The following CENPF variants were observed in gnomAD, a reference collection of about 807,000 sequenced individuals.
CENPF encodes the protein AH antigen.
Under a neutral mutation model 307.3 loss-of-function variants are expected in CENPF, and 214 were observed. The ratio of observed to expected loss-of-function variants is 0.70; its 90% CI spans 0.62 to 0.78. The LOEUF (loss-of-function observed/expected upper bound fraction) is 0.78. CENPF is among the 30% of genes least tolerant of loss of function. CENPF has a pLI of 0.00. For synonymous variants in CENPF, 1,259 were observed against 1,270.6 expected, an observed-to-expected ratio of 0.99 and a Z score of 0.19; for missense variants, 3,401 against 3,483.9, an observed-to-expected ratio of 0.98 and a Z score of 0.60.
At position 214,658,972 on chromosome 1, in the gene CENPF, A is replaced by G. The variant is rs1165653836; in HGVS notation, c.9085A>G (p.Lys3029Glu). ...AGCGCTATCCCCACTGAGTCTCGGC[A>G]AAGAAAATCTTGCAGAGTCCTCCAA... is the stretch of plus-strand genomic sequence containing the variant. ...KLALSPLSLGKENLAESSKPT... is the reference protein window; with the variant it reads ...KLALSPLSLGEENLAESSKPT... The change falls in exon 19 of 20, where the codon AAA (lysine) becomes GAA (glutamate). Residue 3029 changes from lysine to glutamate, a missense_variant. By Grantham distance (56) the Lys-to-Glu change is moderately conservative. Transcript: ENST00000366955. 1.9e-6 allele frequency: 3 copies of G among 1,614,036 alleles called. No individual in the cohort carries two copies. Among genetic ancestry groups the G allele is most frequent in the Non-Finnish European group, 2.5e-6 (3 of 1,180,018 alleles).
At chr1:214,653,013 A>G (rs752420067) in intron 16 of CENPF, 24 bp downstream of exon 16, 4 of 1,572,894 alleles carry the variant, frequency 2.5e-6, no homozygotes, top group Non-Finnish European at 3.5e-6. Flanking sequence ...AATTTGCTTC[A>G]TGATTTCGAA....
At chr1:214,615,537 G>C (rs987876266) in intron 3 of CENPF, among the ~76,000 whole-genome samples, 1 of 152,118 alleles carries the variant, frequency 6.6e-6, no homozygotes, top group Non-Finnish European at 1.5e-5. Flanking sequence ...AGAATGAGAG[G>C]GAGAACTAGG....
chr1:214,639,166 A>C (rs1658040041), intron 11 of CENPF, among the ~76,000 whole-genome samples: 1 of 152,244 alleles, frequency 6.6e-6, no homozygotes, highest in South Asian at 2.1e-4. Flanking sequence ...ATACTTGAGC[A>C]ACATGAAGCC....
At position 214,656,638 on chromosome 1, in the gene CENPF, T is replaced by C. The variant is rs539280815; in HGVS notation, c.8486-295T>C. ...AAAAATGAATTTATTTGATTGGATA[T>C]AACTGACGCTGCAAGAACGTTTAAT... On this transcript the variant is annotated intron_variant, in intron 17 of 19. Coordinates refer to ENST00000366955, the MANE Select transcript of CENPF (RefSeq NM_016343.4). Among the ~76,000 whole-genome samples the C allele has an allele frequency of 2.6e-5, 4 of 152,308 alleles. No homozygotes were observed. The East Asian group carries it at 7.7e-4, about 29-fold the overall frequency.
At chr1:214,623,507 A>T (rs1165531173) in intron 7 of CENPF, among the ~76,000 whole-genome samples, 1 of 152,116 alleles carries the variant, frequency 6.6e-6, no homozygotes, top group Non-Finnish European at 1.5e-5. Context: ...GAATCTTCTT[A>T]AGACTCCAAC....
intron 18 of CENPF, among the ~76,000 whole-genome samples, 190 bp from the exon 19 acceptor site, chr1:214,658,660 T>C (rs1398868988): frequency 1.3e-5 from 2 of 152,166 alleles, no homozygotes; most frequent in East Asian, 3.8e-4. Flanking sequence ...GAGAAAAACC[T>C]GTTAAGTTAT....
At chr1:214,622,872 C>T (rs1014569872) in intron 7 of CENPF, among the ~76,000 whole-genome samples, 6 of 145,318 alleles carry the variant, frequency 4.1e-5, no homozygotes, top group African/African-American at 1.4e-4. Flanking sequence ...CCCATGAGTT[C>T]TGCATTCATG....
Position 214,643,121 on chromosome 1 carries a change from C to A in CENPF, c.4783C>A (p.Leu1595Ile). The part of the protein sequence containing the change: ...EQLLSSERQE[L>I]DCLRKQYLSE... ...GTTATTAAGTTCTGAAAGGCAAGAG[C>A]TTGACTGCCTTAGGAAGCAGTATTT... The change falls in exon 12 of 20, where the codon CTT becomes ATT. Residue 1595 changes from leucine (L) to isoleucine (I), a missense_variant. Coordinates refer to ENST00000366955, the MANE Select transcript of CENPF (RefSeq NM_016343.4). 6.2e-7 allele frequency: 1 copy of A among 1,601,400 alleles called. No homozygotes were observed. Among genetic ancestry groups the A allele is most frequent in the South Asian group, 1.1e-5 (1 of 89,222 alleles).
rs776175690 is a variant in CENPF, at chr1:214,640,129, C to T, written c.1791C>T (p.Ala597=). 15 of 1,585,930 alleles carry T rather than the reference C, an allele frequency of 9.5e-6. No individual in the cohort carries two copies. The highest frequency in any genetic ancestry group is 1.2e-5 in the Non-Finnish European group (14 of 1,172,536). ...KLSKTEKESK[A]LLSALELKKK... Reference sequence around the variant, plus strand: ...GCAAGACAGAGAAAGAGTCCAAAGCCTTGCTGAGTGCTTTAGAGTTAAAAA... The same window carrying T: ...GCAAGACAGAGAAAGAGTCCAAAGCTTTGCTGAGTGCTTTAGAGTTAAAAA... The change falls in exon 12 of 20, where the codon GCC becomes GCT. Residue 597 remains alanine (A), a synonymous_variant. Transcript: ENST00000366955.
chr1:214,626,075 C>T (rs1359877290), intron 7 of CENPF, among the ~76,000 whole-genome samples: 1 of 152,054 alleles, frequency 6.6e-6, no homozygotes, highest in African/African-American at 2.4e-5. Context: ...GATTTCCTTC[C>T]AGTTTCCTTT....
rs752025444 is a variant in CENPF at position 214,639,994 on chromosome 1, T to G, written c.1656T>G (p.Thr552=). 3 of 1,589,342 alleles carry G rather than the reference T, an allele frequency of 1.9e-6. No individual in the cohort carries two copies. In the South Asian group the frequency reaches 3.5e-5, roughly 19 times the overall value. The change falls in exon 12 of 20, where the codon ACT becomes ACG. Residue 552 remains threonine, a synonymous_variant. Transcript: ENST00000366955. ...EKINQQENSL[T]LEKLKLAVAD... Reference sequence around the variant, plus strand: ...TAAATCAGCAAGAAAACTCCTTGACTTTAGAAAAACTGAAGCTTGCTGTGG... The same window carrying G: ...TAAATCAGCAAGAAAACTCCTTGACGTTAGAAAAACTGAAGCTTGCTGTGG...
chr1:214,643,268 C>T lies in CENPF; in HGVS notation c.4930C>T (p.Gln1644Ter), dbSNP rs1424695409. The T allele has an allele frequency of 1.9e-6, 3 of 1,563,378 alleles. No individual in the cohort carries two copies. The highest frequency in any genetic ancestry group is 2.6e-6 in the Non-Finnish European group (3 of 1,160,072). Reference protein sequence around the residue: ...LSLELEVARLQLQGLDLSSRS... With the variant: ...LSLELEVARL ...ACTTGAGCTGGAAGTAGCACGACTC[C>T]AGCTACAAGGTCTGGACTTAAGTTC... The change falls in exon 12 of 20, where the codon CAG becomes TAG. Residue 1644 changes from glutamine to a stop codon, truncating the protein, a stop_gained. Coordinates refer to ENST00000366955, the MANE Select transcript of CENPF (RefSeq NM_016343.4). LOFTEE classifies it high-confidence loss of function.
At chr1:214,638,029 C>G (rs1658010104) in intron 11 of CENPF, 28 bp downstream of exon 11, 1 of 1,584,430 alleles carries the variant, frequency 6.3e-7, no homozygotes, top group African/African-American at 1.4e-5. Context: ...TTTAGAGTTA[C>G]CTTTCTAAGC....
intron 10 of CENPF, among the ~76,000 whole-genome samples, chr1:214,636,722 G>C (rs1657975944): frequency 6.6e-6 from 1 of 152,174 alleles, no homozygotes; most frequent in South Asian, 2.1e-4. Context: ...GGGTTTTGGA[G>C]GATGGGTCTT....
chr1:214,609,484 G>T (rs1050101630), intron 1 of CENPF, among the ~76,000 whole-genome samples: 3 of 152,182 alleles, frequency 2.0e-5, no homozygotes, highest in African/African-American at 7.2e-5. Context: ...AATTAACCAT[G>T]TGAAGAGGGA....
intron 5 of CENPF, among the ~76,000 whole-genome samples, chr1:214,619,859 A>G (rs1377920726): frequency 3.3e-5 from 5 of 152,234 alleles, no homozygotes; most frequent in African/African-American, 4.8e-5. Context: ...TCTGATATGT[A>G]GCAAAGGCAT....
chr1:214,648,751 A>G lies in CENPF; in HGVS notation c.7907A>G (p.Gln2636Arg), dbSNP rs746228763. 3.1e-6 allele frequency: 5 copies of G among 1,614,098 alleles called. No homozygotes were observed. The highest frequency in any genetic ancestry group is 4.2e-6 in the Non-Finnish European group (5 of 1,179,964). Residue 2636 changes from glutamine to arginine, a missense_variant, in exon 14 of 20, where the codon CAA (glutamine) becomes CGA (arginine). Coordinates refer to ENST00000366955, the MANE Select transcript of CENPF (RefSeq NM_016343.4). ...HEMAQKTAEL[Q>R]EELSGEKNRL... ...ATGGCACAGAAAACAGCAGAGCTGC[A>G]AGAAGAACTCAGTGGAGAGAAAAAT...
intron 8 of CENPF, 75 bp from the exon 9 acceptor site, chr1:214,630,459 G>A: frequency 6.4e-7 from 1 of 1,572,686 alleles, no homozygotes; most frequent in Non-Finnish European, 8.7e-7. Flanking sequence ...TCGCCTGTTA[G>A]GATGCTCATG....
intron 19 of CENPF, among the ~76,000 whole-genome samples, chr1:214,660,518 G>A (rs548579196): frequency 3.9e-5 from 6 of 152,250 alleles, no homozygotes; most frequent in South Asian, 2.1e-4. Flanking sequence ...CCCCTAAACC[G>A]TGGAGCTACC....
Sources: allele counts gnomAD v4.1 joint callset (sites outside exome capture counted in the v4.1 genomes callset), GRCh38; gene constraint gnomAD v4.1.1; transcripts MANE v1.5; gene names NCBI Gene and HGNC (gene_info 2026-07-23, HGNC 2026-07-21).